The following EBF2 variants were observed in gnomAD, a reference collection of about 807,000 sequenced individuals.
The protein encoded by EBF2 is transcription factor COE2.
EBF2 carries 21 observed loss-of-function variants against 72.8 expected under a neutral mutation model. The ratio of observed to expected loss-of-function variants is 0.29; its 90% CI spans 0.20 to 0.42. The LOEUF is 0.42. Among genes scored for constraint, EBF2 ranks in the 10% least tolerant of loss-of-function variants. EBF2 has a pLI of 1.00. For missense variants in EBF2, 637 were observed against 731.2 expected (o/e 0.87, Z 1.49); for synonymous variants, 299 against 274.2 (o/e 1.09, Z -0.89).
intron 6 of EBF2, among the ~76,000 whole-genome samples, chr8:25,948,919 G>A (rs1041201227): frequency 2.6e-5 from 4 of 152,130 alleles, no homozygotes; most frequent in Admixed American, 1.3e-4. Flanking sequence ...GCGGCTGTGC[G>A]TTACTGCGTG....
chr8:25,975,993 TAGG>T (rs1804262485), intron 6 of EBF2, among the ~76,000 whole-genome samples: 2 of 152,288 alleles, frequency 1.3e-5, no homozygotes, highest in African/African-American at 4.8e-5. Context: ...ACTTCTTCGA[TAGG>T]ATTCAAACCA....
chr8:25,977,927 T>A (rs1804295113), intron 6 of EBF2, among the ~76,000 whole-genome samples: 1 of 152,212 alleles, frequency 6.6e-6, no homozygotes, highest in South Asian at 2.1e-4. Context: ...ATTTCATTAT[T>A]TTCCCCTCTA....
rs76556070 is a variant in EBF2, at chr8:25,913,624, T to C, written c.552-5069A>G. Among the ~76,000 whole-genome samples the C allele has an allele frequency of 6.8e-3, 1,037 of 152,292 alleles. 10 individuals are homozygous for C. Among genetic ancestry groups the C allele is most frequent in the East Asian group, 0.028 (147 of 5,174 alleles). ...CCTACCCTGGAAACAACTTCTGCTA[T>C]GATAATGGCCACATTTTATACATCA... On this transcript the variant is annotated intron_variant, in intron 6 of 15. Coordinates refer to ENST00000520164, the MANE Select transcript of EBF2 (RefSeq NM_022659.4).
At chr8:25,898,674 A>T (rs1250886287) in intron 7 of EBF2, among the ~76,000 whole-genome samples, 1 of 152,236 alleles carries the variant, frequency 6.6e-6, no homozygotes, top group African/African-American at 2.4e-5. Flanking sequence ...TTTGAGAGCC[A>T]CAGGGGAGCC....
chr8:25,909,075 T>C (rs562755631), intron 6 of EBF2, among the ~76,000 whole-genome samples: 1 of 152,296 alleles, frequency 6.6e-6, no homozygotes, highest in African/African-American at 2.4e-5. Context: ...AAAGACAAAG[T>C]CCATCTGTGC....
chr8:25,877,374 G>C (rs113512352), intron 10 of EBF2, among the ~76,000 whole-genome samples: 54 of 152,242 alleles, frequency 3.5e-4, no homozygotes, highest in African/African-American at 1.3e-3. Context: ...TCTCAAACCA[G>C]TAAGAGGCAA....
chr8:25,922,104 C>A (rs17054601), intron 6 of EBF2, among the ~76,000 whole-genome samples: 1,926 of 152,266 alleles, frequency 0.013, 45 homozygotes, highest in African/African-American at 0.044. Context: ...GTAAATGGGG[C>A]AGATTCATGG....
chr8:25,866,833 T>C (rs1802338880), intron 10 of EBF2, among the ~76,000 whole-genome samples: 1 of 151,466 alleles, frequency 6.6e-6, no homozygotes, highest in Non-Finnish European at 1.5e-5. Flanking sequence ...GGTTTCACCA[T>C]ATTGGCCACG....
chr8:25,886,913 C>T (rs1179345118), intron 9 of EBF2, 32 bp from the exon 10 acceptor site: 2 of 1,606,334 alleles, frequency 1.2e-6, no homozygotes, highest in Non-Finnish European at 1.7e-6. Flanking sequence ...AAATAAAATA[C>T]CCATTAGACA....
At chr8:26,034,639 C>G (rs941372779) in intron 5 of EBF2, among the ~76,000 whole-genome samples, 3 of 152,212 alleles carry the variant, frequency 2.0e-5, no homozygotes, top group African/African-American at 7.2e-5. Context: ...CCTATCAGGG[C>G]TACAGACTTC....
At chr8:25,846,737 T>TA (rs1801845901) in intron 15 of EBF2, among the ~76,000 whole-genome samples, 1 of 152,060 alleles carries the variant, frequency 6.6e-6, no homozygotes, top group South Asian at 2.1e-4. Context: ...CTCAGAGAGA[T>TA]ACCAAAGGGG....
At chr8:25,871,874 TAAATATA>T (rs1206332578) in intron 10 of EBF2, among the ~76,000 whole-genome samples, 3 of 151,972 alleles carry the variant, frequency 2.0e-5, no homozygotes, top group Non-Finnish European at 4.4e-5. Flanking sequence ...ACCCAATAAA[TAAATATA>T]AACTATAAGC....
chr8:25,983,314 T>A (rs990900036), intron 6 of EBF2, among the ~76,000 whole-genome samples: 1 of 152,152 alleles, frequency 6.6e-6, no homozygotes, highest in African/African-American at 2.4e-5. Context: ...CTCAAACGTG[T>A]AAAAATGCGC....
At chr8:26,007,027 G>A (rs1409903122) in intron 6 of EBF2, among the ~76,000 whole-genome samples, 1 of 152,200 alleles carries the variant, frequency 6.6e-6, no homozygotes, top group Non-Finnish European at 1.5e-5. Flanking sequence ...CTTCTAGACA[G>A]CCACAGAAGC....
intron 6 of EBF2, among the ~76,000 whole-genome samples, chr8:25,932,576 C>T (rs1378277196): frequency 6.6e-6 from 1 of 152,118 alleles, no homozygotes; most frequent in Non-Finnish European, 1.5e-5. Context: ...TAAAACTGTG[C>T]CAGCACATGC....
chr8:26,025,131 G>A (rs980770469), intron 6 of EBF2, among the ~76,000 whole-genome samples: 1 of 152,054 alleles, frequency 6.6e-6, no homozygotes, highest in Non-Finnish European at 1.5e-5. Context: ...GGGTATTCCA[G>A]GTGGAAATAG....
At chr8:25,934,687 T>C (rs1803543927) in intron 6 of EBF2, among the ~76,000 whole-genome samples, 1 of 152,140 alleles carries the variant, frequency 6.6e-6, no homozygotes, top group Admixed American at 6.5e-5. Context: ...CGCACGACAC[T>C]CCCTGTACTT....
rs375386709 is a variant in EBF2, at chr8:26,005,561, T to TATAGAGAGAGAGAG, written c.551+27523_551+27524insCTCTCTCTCTCTAT. Among the ~76,000 whole-genome samples, 336 of 63,870 alleles carry TATAGAGAGAGAGAG rather than the reference T, an allele frequency of 5.3e-3. 8 individuals are homozygous for TATAGAGAGAGAGAG. The highest frequency in any genetic ancestry group is 0.021 in the African/African-American group (283 of 13,762). The allele number at this position is 63,870 out of a possible 152,430, so 41.9% of individuals were successfully genotyped here. A position where few individuals can be genotyped will look rare whatever the true frequency, so the allele number is the denominator to read the frequency against. ...TATATTTTATATATATATATATATA[T>TATAGAGAGAGAGAG]AGAGAGAGAGAGAGAGAGGTATTTT... On this transcript the variant is annotated intron_variant, in intron 6 of 15. Transcript: ENST00000520164.
At chr8:25,973,185 A>G (rs1386235931) in intron 6 of EBF2, among the ~76,000 whole-genome samples, 2 of 152,150 alleles carry the variant, frequency 1.3e-5, no homozygotes, top group African/African-American at 4.8e-5. Flanking sequence ...TTAGGTGCCA[A>G]CTGGTCTCTC....
Sources: gnomAD v4.1 joint callset for allele counts (sites outside exome capture counted in the v4.1 genomes callset) on GRCh38, gnomAD v4.1.1 for gene constraint, MANE v1.5 for transcripts, NCBI Gene and HGNC (gene_info 2026-07-23, HGNC 2026-07-21) for gene names.